Variants in PDE11A observed in about 807,000 individuals in gnomAD.
PDE11A encodes the protein dual 3',5'-cyclic-AMP and -GMP phosphodiesterase 11A.
In PDE11A, 100 loss-of-function variants were observed where a neutral mutation model predicts 100.5. The observed-to-expected ratio is 1.00, with a 90% CI of 0.85 to 1.18. PDE11A has a LOEUF of 1.18. PDE11A is among the 50% of genes most tolerant of loss of function. The pLI is 0.00. For synonymous variants in PDE11A, 381 were observed against 420.8 expected (o/e 0.91, Z 1.16); for missense variants, 1,141 against 1,152.6 (o/e 0.99, Z 0.15).
At chr2:177,910,561 G>C (rs1003651314) in intron 2 of PDE11A, among the ~76,000 whole-genome samples, 40 of 152,110 alleles carry the variant, frequency 2.6e-4, no homozygotes, top group South Asian at 1.2e-3. Flanking sequence ...GAATGCCAAA[G>C]GTCTAAAAAG....
chr2:177,886,459 T>C (rs1022627595), intron 4 of PDE11A, among the ~76,000 whole-genome samples: 1 of 152,218 alleles, frequency 6.6e-6, no homozygotes, highest in African/African-American at 2.4e-5. Context: ...ACAAATGCAG[T>C]TTCTAAACAC....
At chr2:177,765,519 G>A (rs2082226696) in intron 10 of PDE11A, among the ~76,000 whole-genome samples, 3 of 152,146 alleles carry the variant, frequency 2.0e-5, no homozygotes, top group Non-Finnish European at 2.9e-5. Context: ...TGATTCCATC[G>A]ATGCCATCAG....
intron 4 of PDE11A, among the ~76,000 whole-genome samples, chr2:177,895,811 T>G (rs1199050970): frequency 6.6e-6 from 1 of 152,184 alleles, no homozygotes; most frequent in Non-Finnish European, 1.5e-5. Context: ...ATAGAAGGAC[T>G]ATGTTTTTGA....
chr2:178,008,995 G>T (rs2086244779), intron 2 of PDE11A, among the ~76,000 whole-genome samples: 1 of 152,154 alleles, frequency 6.6e-6, no homozygotes. Flanking sequence ...GAAAGTACCT[G>T]CAATAAACAT....
At chr2:178,087,052 G>T (rs2087366348) in intron 2 of PDE11A, among the ~76,000 whole-genome samples, 1 of 152,142 alleles carries the variant, frequency 6.6e-6, no homozygotes, top group Admixed American at 6.5e-5. Flanking sequence ...TAAAGAAAAT[G>T]TCAGCTGGGC....
chr2:177,848,433 C>T (rs9283485), intron 5 of PDE11A, among the ~76,000 whole-genome samples: 148,271 of 152,302 alleles, frequency 0.97, 72,281 homozygotes, highest in Middle Eastern at 1. Flanking sequence ...CGATTCACTT[C>T]AGCATAACAC....
intron 19 of PDE11A, among the ~76,000 whole-genome samples, chr2:177,631,937 TC>T (rs2079956591): frequency 6.6e-6 from 1 of 151,952 alleles, no homozygotes; most frequent in Non-Finnish European, 1.5e-5. Flanking sequence ...ATAAAACATG[TC>T]CCCCACATGT....
chr2:177,703,849 G>A (rs2081237879), intron 13 of PDE11A, among the ~76,000 whole-genome samples: 1 of 152,194 alleles, frequency 6.6e-6, no homozygotes, highest in South Asian at 2.1e-4. Flanking sequence ...TCCTTCCTGT[G>A]CGTAGGATGG....
chr2:177,716,926 T>C (rs1211433618), intron 12 of PDE11A, among the ~76,000 whole-genome samples: 1 of 152,280 alleles, frequency 6.6e-6, no homozygotes, highest in East Asian at 1.9e-4. Context: ...ATGGAACATA[T>C]TTTGCTAAAA....
chr2:177,750,581 T>C (rs997363980), intron 10 of PDE11A, among the ~76,000 whole-genome samples: 1 of 152,234 alleles, frequency 6.6e-6, no homozygotes, highest in African/African-American at 2.4e-5. Flanking sequence ...AAGGCAAGCA[T>C]GTGCTTAGAC....
chr2:177,911,658 T>G (rs1574272775), intron 2 of PDE11A, among the ~76,000 whole-genome samples: 1 of 152,078 alleles, frequency 6.6e-6, no homozygotes, highest in Non-Finnish European at 1.5e-5. Context: ...CCGAGGCAGG[T>G]GGATCACTTA....
intron 16 of PDE11A, among the ~76,000 whole-genome samples, chr2:177,678,682 A>G (rs1307412114): frequency 2.0e-5 from 3 of 152,180 alleles, no homozygotes; most frequent in Non-Finnish European, 2.9e-5. Flanking sequence ...GAGGGAGGGC[A>G]GATGAGGGGA....
At chr2:177,632,337 T>C (rs1034672852) in intron 19 of PDE11A, among the ~76,000 whole-genome samples, 1 of 152,196 alleles carries the variant, frequency 6.6e-6, no homozygotes, top group Non-Finnish European at 1.5e-5. Context: ...TGAGGACACA[T>C]TGAATGTGAT....
At chr2:177,790,059 C>A (rs1421249952) in intron 9 of PDE11A, among the ~76,000 whole-genome samples, 1 of 152,056 alleles carries the variant, frequency 6.6e-6, no homozygotes, top group African/African-American at 2.4e-5. Context: ...CATATGGAAC[C>A]AAAAAGAGCC....
chr2:177,929,172 C>T (rs2085173457), intron 2 of PDE11A, among the ~76,000 whole-genome samples: 2 of 152,184 alleles, frequency 1.3e-5, no homozygotes, highest in Admixed American at 1.3e-4. Flanking sequence ...AATCTCCTCC[C>T]TCCATTTCGG....
chr2:177,893,849 T>C (rs771482748), intron 4 of PDE11A, among the ~76,000 whole-genome samples: 1 of 152,136 alleles, frequency 6.6e-6, no homozygotes, highest in Non-Finnish European at 1.5e-5. Context: ...AATATTGAGA[T>C]CTTATATGGA....
chr2:177,953,085 G>T (rs2085523205), intron 2 of PDE11A: 2 of 152,170 alleles, frequency 1.3e-5, no homozygotes, highest in Non-Finnish European at 2.9e-5. Context: ...CCACGGAAAT[G>T]AAATAGGCAG....
intron 10 of PDE11A, among the ~76,000 whole-genome samples, chr2:177,752,568 C>T (rs957357887): frequency 3.3e-5 from 5 of 152,180 alleles, no homozygotes; most frequent in Admixed American, 1.3e-4. Context: ...TGTAAAAGAT[C>T]GAAATGTTTC....
intron 4 of PDE11A, among the ~76,000 whole-genome samples, chr2:177,886,985 G>A (rs1271671079): frequency 1.3e-5 from 2 of 152,164 alleles, no homozygotes; most frequent in Non-Finnish European, 2.9e-5. Context: ...CGGAATTTCA[G>A]CTCCTGCTGG....
Sources: gnomAD v4.1 joint callset for allele counts (sites outside exome capture counted in the v4.1 genomes callset) on GRCh38, gnomAD v4.1.1 for gene constraint, MANE v1.5 for transcripts, NCBI Gene and HGNC (gene_info 2026-07-23, HGNC 2026-07-21) for gene names.